The following ABAT variants were observed in gnomAD, a reference collection of about 807,000 sequenced individuals.
The protein encoded by ABAT is 4-aminobutyrate aminotransferase, also known as 4-aminobutyrate aminotransferase, mitochondrial.
In ABAT, 45 loss-of-function variants were observed where a neutral mutation model predicts 64.6. The ratio of observed to expected loss-of-function variants is 0.70; its 90% CI spans 0.55 to 0.89. ABAT has a LOEUF of 0.89. ABAT is among the 40% of genes least tolerant of loss of function. The pLI is 0.00. For missense variants in ABAT, 633 were observed against 658.4 expected (o/e 0.96, Z 0.42); for synonymous variants, 297 against 250.5 (o/e 1.19, Z -1.75).
intron 14 of ABAT, among the ~76,000 whole-genome samples, chr16:8,778,776 CAA>C (rs71152934): frequency 7.5e-6 from 1 of 133,634 alleles, no homozygotes; most frequent in Non-Finnish European, 1.6e-5. Flanking sequence ...GACTCCATCT[CAA>C]AAAAAAAAAA....
chr16:8,695,877 A>G (rs1346630288), intron 1 of ABAT, among the ~76,000 whole-genome samples: 1 of 152,158 alleles, frequency 6.6e-6, no homozygotes, highest in African/African-American at 2.4e-5. Flanking sequence ...GAGGGAGTGG[A>G]TAATTAAACA....
In ABAT at chr16:8,727,378, A is replaced by T. The variant is rs16964376; in HGVS notation, c.-41-8321A>T. ...TCACTGTGCACCAGGATCCTTAGCT[A>T]CTCCGTGTCATCATACACCTCCGAG... On this transcript the variant is annotated intron_variant, in intron 1 of 15. Transcript: ENST00000268251. 8.0e-3 allele frequency among the ~76,000 whole-genome samples: 1,213 copies of T among 151,762 alleles called. 13 individuals are homozygous for T. The highest frequency in any genetic ancestry group is 0.027 in the African/African-American group (1,109 of 41,358).
rs2059896930 is a variant in ABAT, at chr16:8,764,843, G to A, written c.540+13G>A. 3.3e-6 allele frequency: 5 copies of A among 1,533,214 alleles called. No homozygotes were observed. Among genetic ancestry groups the A allele is most frequent in the Non-Finnish European group, 1.8e-6 (2 of 1,114,420 alleles). 95.0% of individuals were successfully genotyped at this position (1,533,214 alleles called of 1,614,324 possible). A position where few individuals can be genotyped will look rare whatever the true frequency, so the allele number is the denominator to read the frequency against. Reference sequence around the variant, plus strand: ...CATGTGGTACCGGGTGAGGTTTGGGGCACACACACACACACACACACAGGC... The same window carrying A: ...CATGTGGTACCGGGTGAGGTTTGGGACACACACACACACACACACACAGGC... On this transcript the variant is annotated intron_variant, in intron 8 of 15. Coordinates refer to ENST00000268251, the MANE Select transcript of ABAT (RefSeq NM_020686.6). This position sits in a 1 kb window ranked among gnomAD's most constrained non-coding sequence, Gnocchi z 4.2.
intron 1 of ABAT, among the ~76,000 whole-genome samples, chr16:8,720,414 C>A (rs912608424): frequency 6.6e-6 from 1 of 152,232 alleles, no homozygotes; most frequent in Admixed American, 6.5e-5. Context: ...TTTCCAAGAA[C>A]AGTATTTCTG....
At position 8,772,775 on chromosome 16, in the gene ABAT, T is replaced by A. The variant is rs1424382157; in HGVS notation, c.817-5T>A. On this transcript the variant is annotated splice_polypyrimidine_tract_variant and splice_region_variant and intron_variant, in intron 11 of 15. Transcript: ENST00000268251. ...TCGGTGGTCACTTTCCCCTTTGGGA[T>A]CCAGGTGGAGGATCTGATTGTGAAA... 1.1e-5 allele frequency: 17 copies of A among 1,613,812 alleles called. No homozygotes were observed. The Middle Eastern group carries it at 1.3e-3, about 125-fold the overall frequency.
chr16:8,764,969 A>G lies in ABAT; in HGVS notation c.540+139A>G. ...CCAGGGTTAAAATACAGGGAGGGCCACTGCTGGATGGTACTTTGAGACGGC... is the reference window on the plus strand; with the variant it reads ...CCAGGGTTAAAATACAGGGAGGGCCGCTGCTGGATGGTACTTTGAGACGGC... On this transcript the variant is annotated intron_variant, in intron 8 of 15. Coordinates refer to ENST00000268251, the MANE Select transcript of ABAT (RefSeq NM_020686.6). This position sits in a 1 kb window ranked among gnomAD's most constrained non-coding sequence, Gnocchi z 4.2. 1.2e-6 allele frequency: 1 copy of G among 816,898 alleles called. No homozygotes were observed. The highest frequency in any genetic ancestry group is 1.4e-5 in the South Asian group (1 of 69,256). The allele number at this position is 816,898 out of a possible 1,614,324, so 50.6% of individuals were successfully genotyped here.
chr16:8,780,933 A>C (rs927343424), intron 15 of ABAT, among the ~76,000 whole-genome samples: 1 of 151,752 alleles, frequency 6.6e-6, no homozygotes, highest in Admixed American at 6.6e-5. Flanking sequence ...TTGCTTACCT[A>C]TTTTCTTTTC....
chr16:8,687,913 TA>T (rs1290245638), intron 1 of ABAT, among the ~76,000 whole-genome samples: 1 of 150,874 alleles, frequency 6.6e-6, no homozygotes, highest in African/African-American at 2.4e-5. Context: ...TTTTTTTTTT[TA>T]AGAGACAGGG....
At chr16:8,715,148 A>T (rs919690373) in intron 1 of ABAT, 1 of 152,244 alleles carries the variant, frequency 6.6e-6, no homozygotes, top group East Asian at 1.9e-4. Flanking sequence ...TTGCAAGGAC[A>T]TAAAGAAGAC....
At chr16:8,770,592 C>A (rs1341705652) in intron 11 of ABAT, among the ~76,000 whole-genome samples, 1 of 152,074 alleles carries the variant, frequency 6.6e-6, no homozygotes, top group Non-Finnish European at 1.5e-5. Flanking sequence ...GCACATGACA[C>A]CACCACACCT....
At chr16:8,745,742 TG>T in intron 2 of ABAT, among the ~76,000 whole-genome samples, 1 of 152,182 alleles carries the variant, frequency 6.6e-6, no homozygotes, top group Admixed American at 6.5e-5. Flanking sequence ...GGCATCAGCT[TG>T]TACTCATGCC....
intron 1 of ABAT, among the ~76,000 whole-genome samples, chr16:8,694,156 A>T (rs2057647500): frequency 1.3e-5 from 2 of 149,106 alleles, no homozygotes; most frequent in Non-Finnish European, 3.0e-5. Context: ...CAGCTTCCCG[A>T]GTAGCTGGGA....
chr16:8,711,553 T>C (rs930539583), intron 1 of ABAT, among the ~76,000 whole-genome samples: 2 of 152,224 alleles, frequency 1.3e-5, no homozygotes, highest in African/African-American at 2.4e-5. Flanking sequence ...GAGAAGATGA[T>C]GACTGTGAGA....
chr16:8,776,427 G>A lies in ABAT; in HGVS notation c.1206G>A (p.Glu402=). 1 of 1,614,212 alleles carries A rather than the reference G, an allele frequency of 6.2e-7. No individual in the cohort carries two copies. Residue 402 remains glutamate, a synonymous_variant, in exon 14 of 16, where the codon GAG becomes GAA. Transcript: ENST00000268251. This position sits in a 1 kb window ranked among gnomAD's most constrained non-coding sequence, Gnocchi z 4.4. The stretch of plus-strand genomic sequence containing the variant: ...AGGTCATCAACATCATCAAGCGGGA[G>A]GACCTGCTAAATAATGCAGCCCATG... The part of the protein sequence containing the change: ...LAEVINIIKR[E]DLLNNAAHAG...
chr16:8,756,393 A>T (rs1452111276), intron 5 of ABAT, among the ~76,000 whole-genome samples: 1 of 152,016 alleles, frequency 6.6e-6, no homozygotes, highest in Non-Finnish European at 1.5e-5. Context: ...TTTTATTTTA[A>T]TTTTTTTCTT....
intron 5 of ABAT, among the ~76,000 whole-genome samples, chr16:8,755,819 G>T (rs1285506025): frequency 6.6e-6 from 1 of 152,224 alleles, no homozygotes; most frequent in Non-Finnish European, 1.5e-5. Context: ...GGAGGCCGAG[G>T]TGGGTGGATC....
intron 4 of ABAT, among the ~76,000 whole-genome samples, chr16:8,750,157 A>G (rs2059437859): frequency 6.6e-6 from 1 of 152,188 alleles, no homozygotes; most frequent in South Asian, 2.1e-4. Flanking sequence ...TCGACTTCAG[A>G]TTTGTATCTC....
intron 1 of ABAT, among the ~76,000 whole-genome samples, chr16:8,678,842 G>T (rs773695046): frequency 1.1e-4 from 16 of 152,206 alleles, no homozygotes; most frequent in Non-Finnish European, 2.1e-4. Flanking sequence ...TAGTGAAAAA[G>T]ATAAAGTCAC....
intron 6 of ABAT, among the ~76,000 whole-genome samples, chr16:8,758,356 G>A (rs1242717526): frequency 6.6e-6 from 1 of 152,170 alleles, no homozygotes; most frequent in Non-Finnish European, 1.5e-5. Context: ...TGACTTTTCA[G>A]CTGAGATCTG....
Sources: allele counts gnomAD v4.1 joint callset (sites outside exome capture counted in the v4.1 genomes callset), GRCh38; gene constraint gnomAD v4.1.1; non-coding constraint Gnocchi (gnomAD v3.1); transcripts MANE v1.5; gene names NCBI Gene and HGNC (gene_info 2026-07-23, HGNC 2026-07-21).